ARB2A: variants seen among roughly 807,000 people sequenced by gnomAD.
The protein encoded by ARB2A is cotranscriptional regulator ARB2A.
chr5:93,635,458 A>ATTTTTTTTTTTTTTTTTT, the ARB2A span, among the ~76,000 whole-genome samples: 1 of 140,700 alleles, frequency 7.1e-6, no homozygotes, highest in African/African-American at 3.0e-5. Flanking sequence ...TTTATACGAA[A>ATTTTTTTTTTTTTTTTTT]GTTTTTTTTT....
At chr5:93,859,419 GA>G in the ARB2A span, among the ~76,000 whole-genome samples, 2 of 149,326 alleles carry the variant, frequency 1.3e-5, no homozygotes, top group South Asian at 2.1e-4. Context: ...TAAGGCACAT[GA>G]AAAAAAAAGG....
the ARB2A span, among the ~76,000 whole-genome samples, chr5:93,928,908 C>CT: frequency 2.4e-4 from 36 of 152,006 alleles, no homozygotes; most frequent in Admixed American, 1.8e-3. Context: ...TTACAGCCTT[C>CT]TTTAACATAT....
chr5:93,751,973 A>T, the ARB2A span, among the ~76,000 whole-genome samples: 1 of 152,174 alleles, frequency 6.6e-6, no homozygotes. Flanking sequence ...GTCAGGCAGG[A>T]GAAGACAGAA....
chr5:93,620,936 G>A, the ARB2A span: 1 of 1,594,460 alleles, frequency 6.3e-7, no homozygotes, highest in East Asian at 2.3e-5. Context: ...GCAGTGAGGA[G>A]GCGTGCGGGT....
chr5:93,621,264 C>T, the ARB2A span: 1 of 739,190 alleles, frequency 1.4e-6, no homozygotes, highest in Non-Finnish European at 1.8e-6. Flanking sequence ...CTGCGCCCCG[C>T]CTCAGCCGCC....
the ARB2A span, among the ~76,000 whole-genome samples, chr5:93,913,454 T>C: frequency 1.3e-5 from 2 of 151,950 alleles, no homozygotes. Context: ...CTTTCCTTCA[T>C]TACTTTGTCC....
chr5:94,045,901 A>G, the ARB2A span, among the ~76,000 whole-genome samples: 3 of 152,176 alleles, frequency 2.0e-5, no homozygotes, highest in East Asian at 1.9e-4. Context: ...CATTTTTCAT[A>G]TAAGATAAAA....
chr5:93,972,912 A>G, the ARB2A span, among the ~76,000 whole-genome samples: 30 of 108,782 alleles, frequency 2.8e-4, no homozygotes, highest in East Asian at 7.7e-3. Flanking sequence ...CTTGTCTCTT[A>G]AAAAAAAAAA....
chr5:93,688,130 T>C, the ARB2A span, among the ~76,000 whole-genome samples: 1 of 152,042 alleles, frequency 6.6e-6, no homozygotes, highest in Non-Finnish European at 1.5e-5. Context: ...TGCGCCACCA[T>C]ACCTGGCTAA....
chr5:93,897,244 A>C, the ARB2A span, among the ~76,000 whole-genome samples: 1 of 152,062 alleles, frequency 6.6e-6, no homozygotes, highest in Admixed American at 6.6e-5. Context: ...AGCTTACTCC[A>C]AAGTAGAAGC....
chr5:93,651,806 C>T, the ARB2A span, among the ~76,000 whole-genome samples: 1 of 152,032 alleles, frequency 6.6e-6, no homozygotes, highest in Admixed American at 6.5e-5. Context: ...GGTTATTATA[C>T]TGGTGGAATT....
the ARB2A span, among the ~76,000 whole-genome samples, chr5:94,089,512 A>G: frequency 6.6e-6 from 1 of 151,950 alleles, no homozygotes; most frequent in Non-Finnish European, 1.5e-5. Flanking sequence ...AACCTGTGGC[A>G]TAGCTCTCGA....
the ARB2A span, among the ~76,000 whole-genome samples, chr5:93,869,891 G>A: frequency 0.82 from 124,450 of 152,190 alleles, 51,240 homozygotes; most frequent in East Asian, 0.95. Flanking sequence ...ACCACCCTTT[G>A]CTGATTCTCT....
At chr5:93,802,932 T>C in the ARB2A span, among the ~76,000 whole-genome samples, 1 of 152,086 alleles carries the variant, frequency 6.6e-6, no homozygotes, top group Non-Finnish European at 1.5e-5. Context: ...CCTTCTTACA[T>C]ATAACAGTAT....
At chr5:94,077,656 A>T in the ARB2A span, among the ~76,000 whole-genome samples, 1 of 152,214 alleles carries the variant, frequency 6.6e-6, no homozygotes, top group East Asian at 1.9e-4. Flanking sequence ...CTGTTGGCAC[A>T]TTTGATATAT....
At chr5:94,088,611 A>G in the ARB2A span, among the ~76,000 whole-genome samples, 1 of 152,144 alleles carries the variant, frequency 6.6e-6, no homozygotes, top group Non-Finnish European at 1.5e-5. Context: ...GTTTGACGTT[A>G]CACTGAGCCA....
At chr5:93,744,306 GGA>G in the ARB2A span, among the ~76,000 whole-genome samples, 1 of 151,364 alleles carries the variant, frequency 6.6e-6, no homozygotes, top group Admixed American at 6.6e-5. Flanking sequence ...ATGGTGGCGC[GGA>G]CCTGTAATCC....
the ARB2A span, among the ~76,000 whole-genome samples, chr5:93,959,638 T>C: frequency 6.6e-6 from 1 of 152,170 alleles, no homozygotes; most frequent in Non-Finnish European, 1.5e-5. Flanking sequence ...TTCATTCAGA[T>C]TGTGAACACA....
At chr5:94,080,199 C>T in the ARB2A span, among the ~76,000 whole-genome samples, 2 of 151,768 alleles carry the variant, frequency 1.3e-5, no homozygotes, top group Non-Finnish European at 2.9e-5. Context: ...GTCAAACAAA[C>T]ATAAAAAATT....
Sources: allele counts gnomAD v4.1 joint callset (sites outside exome capture counted in the v4.1 genomes callset), GRCh38; gene constraint gnomAD v4.1.1; transcripts MANE v1.5; gene names NCBI Gene and HGNC (gene_info 2026-07-23, HGNC 2026-07-21).